GABRB1: variants seen among roughly 807,000 people sequenced by gnomAD.
GABRB1 encodes the protein gamma-aminobutyric acid type A receptor subunit beta1.
Under a neutral mutation model 51.6 loss-of-function variants are expected in GABRB1, and 17 were observed. The ratio of observed to expected loss-of-function variants is 0.33; its 90% CI spans 0.23 to 0.49. GABRB1 has a LOEUF of 0.49. Among genes scored for constraint, GABRB1 ranks in the 20% least tolerant of loss-of-function variants. The probability of loss-of-function intolerance (pLI) is 0.99; values close to 1 mark genes in which losing one functional copy is unlikely to be tolerated. For missense variants in GABRB1, 410 were observed against 600.6 expected, an observed-to-expected ratio of 0.68 and a Z score of 3.32; for synonymous variants, 247 against 218.9, an observed-to-expected ratio of 1.13 and a Z score of -1.14.
chr4:47,406,850 G>A lies in GABRB1; in HGVS notation c.1004G>A (p.Gly335Asp). The A allele has an allele frequency of 1.2e-6, 2 of 1,614,084 alleles. No homozygotes were observed. Among genetic ancestry groups the A allele is most frequent in the African/African-American group, 1.3e-5 (1 of 75,008 alleles). ...GTAAATTACATCTTCTTTGGGAAAG[G>A]CCCTCAGAAAAAGGGAGCTAGCAAA... is the stretch of plus-strand genomic sequence containing the variant. ...AFVNYIFFGK[G>D]PQKKGASKQD... is the part of the protein sequence containing the mutation. The change falls in exon 8 of 9, where the codon GGC (glycine) becomes GAC (aspartate). Residue 335 changes from glycine (G) to aspartate (D), a missense_variant. By Grantham distance (94) the Gly-to-Asp change is moderately conservative. Transcript: ENST00000295454.
chr4:47,368,978 G>A (rs1427946251), intron 5 of GABRB1, among the ~76,000 whole-genome samples: 1 of 152,008 alleles, frequency 6.6e-6, no homozygotes, highest in Non-Finnish European at 1.5e-5. Context: ...CATGGTGGCA[G>A]GCATCTGTAA....
At chr4:47,079,200 C>G (rs1037465533) in intron 3 of GABRB1, among the ~76,000 whole-genome samples, 37 of 152,172 alleles carry the variant, frequency 2.4e-4, no homozygotes, top group Non-Finnish European at 4.8e-4. Flanking sequence ...CCAGCTCCTT[C>G]TTGTACCTCT....
chr4:47,312,515 G>T (rs1198413350), intron 4 of GABRB1, among the ~76,000 whole-genome samples: 1 of 152,074 alleles, frequency 6.6e-6, no homozygotes, highest in African/African-American at 2.4e-5. Flanking sequence ...ATGAATTAAA[G>T]GTGTATCCAA....
At chr4:47,084,558 C>T (rs1727988310) in intron 3 of GABRB1, among the ~76,000 whole-genome samples, 1 of 152,170 alleles carries the variant, frequency 6.6e-6, no homozygotes, top group African/African-American at 2.4e-5. Flanking sequence ...TAGTTCTTTC[C>T]TCTTCAGTTT....
chr4:47,010,630 A>G (rs1413952434), intron 1 of GABRB1, among the ~76,000 whole-genome samples: 4 of 152,232 alleles, frequency 2.6e-5, no homozygotes, highest in Non-Finnish European at 4.4e-5. Context: ...TGAAATTATC[A>G]TGCCATCACC....
chr4:46,995,041 C>T (rs1308385567), intron 1 of GABRB1, among the ~76,000 whole-genome samples: 1 of 152,148 alleles, frequency 6.6e-6, no homozygotes, highest in Non-Finnish European at 1.5e-5. Flanking sequence ...TAACTTCATC[C>T]TAATCCCATC....
At chr4:47,179,897 GC>G (rs1718870447) in intron 4 of GABRB1, among the ~76,000 whole-genome samples, 3 of 152,036 alleles carry the variant, frequency 2.0e-5, no homozygotes, top group African/African-American at 4.8e-5. Flanking sequence ...AATCAAGTAA[GC>G]CTTGACTCCA....
chr4:47,385,805 G>A (rs938618261), intron 5 of GABRB1, among the ~76,000 whole-genome samples: 5 of 152,142 alleles, frequency 3.3e-5, no homozygotes, highest in Admixed American at 3.3e-4. Flanking sequence ...CTTCAAATCA[G>A]GGGCTCCCAC....
chr4:47,032,500 A>C lies in GABRB1; in HGVS notation c.240+16A>C. 6.2e-7 allele frequency: 1 copy of C among 1,612,900 alleles called. No homozygotes were observed. The highest frequency in any genetic ancestry group is 8.5e-7 in the Non-Finnish European group (1 of 1,179,042). Reference sequence around the variant, plus strand: ...AGTGAATATGGTGAGTGGCCTCCCGAGGGGCCCGGCGGTTCGGCTTACGCA... The same window carrying C: ...AGTGAATATGGTGAGTGGCCTCCCGCGGGGCCCGGCGGTTCGGCTTACGCA... On this transcript the variant is annotated intron_variant, in intron 3 of 8. Transcript: ENST00000295454.
Position 47,161,207 on chromosome 4 carries a change from T to C in GABRB1, c.241-42T>C, listed in dbSNP as rs367736707. 66 of 1,249,486 alleles carry C rather than the reference T, an allele frequency of 5.3e-5. 1 individual carries two copies. The highest frequency in any genetic ancestry group is 6.8e-5 in the Non-Finnish European group (60 of 878,856). 77.4% of individuals were successfully genotyped at this position (1,249,486 alleles called of 1,614,324 possible). A position where few individuals can be genotyped will look rare whatever the true frequency, so the allele number is the denominator to read the frequency against. ...GTTATTAAACCTTAGATGATAATGA[T>C]AGTAAAATTCTTTTTTTTTTTTTGC... is the stretch of plus-strand genomic sequence containing the variant. On this transcript the variant is annotated intron_variant, in intron 3 of 8. Transcript: ENST00000295454.
At chr4:47,398,304 CA>C (rs1728250229) in intron 5 of GABRB1, among the ~76,000 whole-genome samples, 1 of 152,156 alleles carries the variant, frequency 6.6e-6, no homozygotes, top group Non-Finnish European at 1.5e-5. Flanking sequence ...ACTGAATATA[CA>C]ATTGCATACT....
At chr4:47,275,893 A>G (rs1723057803) in intron 4 of GABRB1, among the ~76,000 whole-genome samples, 1 of 152,164 alleles carries the variant, frequency 6.6e-6, no homozygotes, top group Non-Finnish European at 1.5e-5. Context: ...TCCCTCATGT[A>G]ACTGTGTTAG....
intron 3 of GABRB1, among the ~76,000 whole-genome samples, chr4:47,094,698 T>A (rs1714312006): frequency 6.7e-6 from 1 of 148,340 alleles, no homozygotes; most frequent in Admixed American, 6.8e-5. Flanking sequence ...ATCTGTACAA[T>A]AAACCCCCAT....
intron 4 of GABRB1, among the ~76,000 whole-genome samples, chr4:47,228,809 T>A (rs575009793): frequency 3.7e-4 from 57 of 152,250 alleles, no homozygotes; most frequent in Non-Finnish European, 7.4e-4. Context: ...TCCCTTGTGA[T>A]GGAGCAAAAC....
At chr4:47,366,621 A>T (rs1031304500) in intron 5 of GABRB1, among the ~76,000 whole-genome samples, 2 of 129,076 alleles carry the variant, frequency 1.5e-5, no homozygotes, top group Admixed American at 7.5e-5. Flanking sequence ...ATAGCATAAG[A>T]TGGGAAAATA....
intron 1 of GABRB1, among the ~76,000 whole-genome samples, chr4:47,011,583 T>C (rs191359685): frequency 7.2e-4 from 110 of 152,302 alleles, no homozygotes; most frequent in African/African-American, 2.5e-3. Context: ...TTTGTGGGCA[T>C]GCACATCTGT....
intron 3 of GABRB1, among the ~76,000 whole-genome samples, chr4:47,104,735 T>C (rs1261550809): frequency 6.6e-6 from 1 of 152,092 alleles, no homozygotes; most frequent in Non-Finnish European, 1.5e-5. Flanking sequence ...GAAAAGACAT[T>C]CTTTATCTGT....
chr4:47,143,274 G>A (rs1318325381), intron 3 of GABRB1, among the ~76,000 whole-genome samples: 1 of 151,866 alleles, frequency 6.6e-6, no homozygotes, highest in Non-Finnish European at 1.5e-5. Context: ...GCCACTGAGA[G>A]AGCAATGTCC....
In GABRB1 at chr4:47,032,127, G is replaced by GACACACACAC. The variant is rs375911533; in HGVS notation, c.172+122_172+123insACACACACAC. 4.0e-3 allele frequency: 2,297 copies of GACACACACAC among 579,880 alleles called. 28 individuals carry two copies. The highest frequency in any genetic ancestry group is 4.5e-3 in the Non-Finnish European group (1,501 of 333,848). 35.9% of individuals were successfully genotyped at this position (579,880 alleles called of 1,614,324 possible). On this transcript the variant is annotated intron_variant, in intron 2 of 8. Coordinates refer to ENST00000295454, the MANE Select transcript of GABRB1 (RefSeq NM_000812.4). ...TTTCGTAAGCGTGCACTATACCCTG[G>GACACACACAC]GCACACACACACACACACACACACA... is the stretch of plus-strand genomic sequence containing the variant.
Sources: allele counts gnomAD v4.1 joint callset (sites outside exome capture counted in the v4.1 genomes callset), GRCh38; gene constraint gnomAD v4.1.1; transcripts MANE v1.5; gene names NCBI Gene and HGNC (gene_info 2026-07-23, HGNC 2026-07-21).